The following ARHGAP6 variants were observed in gnomAD, a reference collection of about 807,000 sequenced individuals.
ARHGAP6 encodes rho GTPase-activating protein 6.
In ARHGAP6, 16 loss-of-function variants were observed where a neutral mutation model predicts 55.7. That is an observed-to-expected ratio of 0.29 (90% confidence interval 0.19 to 0.44). The LOEUF (loss-of-function observed/expected upper bound fraction) is 0.44. Ranked by LOEUF, ARHGAP6 falls within the 20% of genes least tolerant of loss-of-function variation. The pLI is 1.00. For synonymous variants in ARHGAP6, 382 were observed against 360.9 expected (o/e 1.06, Z -0.66); for missense variants, 698 against 808.9 (o/e 0.86, Z 1.66).
intron 1 of ARHGAP6, among the ~76,000 whole-genome samples, chrX:11,402,912 G>T (rs1423268948): frequency 9.0e-6 from 1 of 111,569 alleles, no homozygotes; most frequent in Non-Finnish European, 1.9e-5. Flanking sequence ...ATTTGGGAGG[G>T]TGATCACCAA....
At chrX:11,466,267 G>T (rs1417095556) in intron 1 of ARHGAP6, among the ~76,000 whole-genome samples, 3 of 111,326 alleles carry the variant, frequency 2.7e-5, no homozygotes, top group African/African-American at 9.8e-5. Context: ...TTTTGTGCAT[G>T]AATCACTCAA....
chrX:11,383,069 C>A (rs2049280971), intron 1 of ARHGAP6, among the ~76,000 whole-genome samples: 1 of 112,090 alleles, frequency 8.9e-6, no homozygotes, highest in Admixed American at 9.5e-5. Flanking sequence ...TAAGCCAAAG[C>A]CTTCCCTACA....
At chrX:11,619,281 G>A (rs145976332) in intron 1 of ARHGAP6, among the ~76,000 whole-genome samples, 3 of 112,038 alleles carry the variant, frequency 2.7e-5, no homozygotes, top group African/African-American at 9.7e-5. Flanking sequence ...AAGATATTGT[G>A]CAGCTTTAAG....
At chrX:11,182,941 C>T (rs2046337853) in intron 5 of ARHGAP6, among the ~76,000 whole-genome samples, 1 of 111,392 alleles carries the variant, frequency 9.0e-6, no homozygotes, top group Admixed American at 9.6e-5. Context: ...AAAATCCAGC[C>T]TTTTCTACAT....
chrX:11,552,245 T>C (rs2051273696), intron 1 of ARHGAP6, among the ~76,000 whole-genome samples: 1 of 109,597 alleles, frequency 9.1e-6, no homozygotes, highest in African/African-American at 3.3e-5. Context: ...CCTGTTAGAA[T>C]GGTTATCAAA....
intron 1 of ARHGAP6, among the ~76,000 whole-genome samples, chrX:11,425,566 A>G (rs962157400): frequency 9.0e-6 from 1 of 111,648 alleles, no homozygotes; most frequent in Admixed American, 9.4e-5. Context: ...TCCCTCTGGA[A>G]TCTTCCTTTT....
chrX:11,184,112 C>G (rs1202352432), intron 5 of ARHGAP6, among the ~76,000 whole-genome samples: 2 of 112,169 alleles, frequency 1.8e-5, no homozygotes, highest in Non-Finnish European at 3.8e-5. Flanking sequence ...GTGCCTAAAT[C>G]TAGATCACGC....
rs760655994 is a variant in ARHGAP6, at chrX:11,197,036, TAA to T, written c.749-42_749-41del. ...AGGAGAAGTTATAAAGATAAACATA[TAA>T]GTGATATTTTACAGTATCGATAATT... is the stretch of plus-strand genomic sequence containing the variant. On this transcript the variant is annotated intron_variant, in intron 2 of 12. Coordinates refer to ENST00000337414, the MANE Select transcript of ARHGAP6 (RefSeq NM_013427.3). The T allele has an allele frequency of 1.3e-5, 9 of 681,076 alleles. No individual in the cohort carries two copies. In the East Asian group the frequency reaches 3.0e-4, roughly 23 times the overall value. The allele number at this position is 681,076 out of a possible 1,213,427, so 56.1% of individuals were successfully genotyped here.
At chrX:11,318,665 C>T (rs758617808) in intron 1 of ARHGAP6, 4 of 112,642 alleles carry the variant, frequency 3.6e-5, no homozygotes, top group Non-Finnish European at 7.5e-5. Context: ...ATGGCAAAAC[C>T]GCAATTACTT....
intron 1 of ARHGAP6, among the ~76,000 whole-genome samples, chrX:11,559,867 G>A (rs1415811423): frequency 9.2e-6 from 1 of 108,339 alleles, no homozygotes; most frequent in Non-Finnish European, 1.9e-5. Flanking sequence ...GGCGGAGCTT[G>A]CAGTGAGCCG....
intron 9 of ARHGAP6, among the ~76,000 whole-genome samples, chrX:11,168,290 A>C (rs1446713567): frequency 3.6e-5 from 4 of 112,450 alleles, no homozygotes; most frequent in Non-Finnish European, 7.5e-5. Context: ...CGTGTTACCC[A>C]ACTAATATAA....
chrX:11,262,127 G>T (rs778129197), intron 1 of ARHGAP6, among the ~76,000 whole-genome samples: 1 of 111,088 alleles, frequency 9.0e-6, no homozygotes, highest in Non-Finnish European at 1.9e-5. Context: ...ATTTTTCTAC[G>T]TATTATACAC....
At chrX:11,522,849 A>G (rs1002582000) in intron 1 of ARHGAP6, among the ~76,000 whole-genome samples, 2 of 111,901 alleles carry the variant, frequency 1.8e-5, no homozygotes, top group African/African-American at 3.2e-5. Flanking sequence ...TATTCCAATC[A>G]ATAGAAAAAC....
chrX:11,555,388 G>A (rs1690203762), intron 1 of ARHGAP6, among the ~76,000 whole-genome samples: 1 of 110,662 alleles, frequency 9.0e-6, no homozygotes, highest in African/African-American at 3.3e-5. Flanking sequence ...GGGAGAGAGG[G>A]GTGCACAGTG....
chrX:11,432,802 C>T (rs747849452), intron 1 of ARHGAP6, among the ~76,000 whole-genome samples: 1 of 111,705 alleles, frequency 9.0e-6, no homozygotes, highest in South Asian at 3.8e-4. Flanking sequence ...GTGATAAGGC[C>T]GACTTCACCC....
chrX:11,577,742 T>G (rs1325717770), intron 1 of ARHGAP6, among the ~76,000 whole-genome samples: 1 of 111,848 alleles, frequency 8.9e-6, no homozygotes, highest in East Asian at 2.8e-4. Flanking sequence ...CAAGGTCACA[T>G]GACCAAAGAA....
intron 1 of ARHGAP6, among the ~76,000 whole-genome samples, chrX:11,272,425 A>G (rs1036595579): frequency 9.0e-6 from 1 of 110,624 alleles, no homozygotes; most frequent in African/African-American, 3.3e-5. Context: ...TCCAGGATCC[A>G]TAACTTTTCT....
rs2047464831 is a variant in ARHGAP6, at chrX:11,254,492, C to T, written c.748+56G>A. Reference sequence around the variant, plus strand: ...AAGAGTTCACAGCTCACGGCTTTGGCAGAGCCAATATTTGACTTGCAGTGT... The same window carrying T: ...AAGAGTTCACAGCTCACGGCTTTGGTAGAGCCAATATTTGACTTGCAGTGT... On this transcript the variant is annotated intron_variant, in intron 2 of 12. Coordinates refer to ENST00000337414, the MANE Select transcript of ARHGAP6 (RefSeq NM_013427.3). The T allele has an allele frequency of 5.1e-6, 6 of 1,170,800 alleles. No individual in the cohort carries two copies. The South Asian group carries it at 1.2e-4, about 23-fold the overall frequency.
chrX:11,294,372 T>C (rs1340315402), intron 1 of ARHGAP6, among the ~76,000 whole-genome samples: 1 of 112,429 alleles, frequency 8.9e-6, no homozygotes, highest in Non-Finnish European at 1.9e-5. Context: ...GCCTCCTTGT[T>C]CTAAAATTAT....
Sources: gnomAD v4.1 joint callset for allele counts (sites outside exome capture counted in the v4.1 genomes callset) on GRCh38, gnomAD v4.1.1 for gene constraint, MANE v1.5 for transcripts, NCBI Gene and HGNC (gene_info 2026-07-23, HGNC 2026-07-21) for gene names.